SHISAL2B: variants seen among roughly 807,000 people sequenced by gnomAD.
The protein encoded by SHISAL2B is shisa like 2B, also known as protein shisa-like-2B.
A neutral mutation model predicts 16.5 loss-of-function variants in SHISAL2B; 12 were observed. The observed-to-expected ratio is 0.73, with a 90% CI of 0.47 to 1.18. SHISAL2B has a LOEUF of 1.18. SHISAL2B is among the 50% of genes most tolerant of loss of function. SHISAL2B has a pLI of 0.00. For missense variants in SHISAL2B, 183 were observed against 193.6 expected (o/e 0.95, Z 0.33); for synonymous variants, 72 against 75.0 (o/e 0.96, Z 0.21).
At chr5:64,714,937 G>A (rs1486626020) in intron 2 of SHISAL2B, among the ~76,000 whole-genome samples, 1 of 152,074 alleles carries the variant, frequency 6.6e-6, no homozygotes, top group Non-Finnish European at 1.5e-5. Context: ...TGCGCCCACT[G>A]TCTGGCACTC....
intron 2 of SHISAL2B, among the ~76,000 whole-genome samples, chr5:64,700,759 G>C (rs1741798125): frequency 6.6e-6 from 1 of 152,128 alleles, no homozygotes; most frequent in African/African-American, 2.4e-5. Context: ...TTTAACACCA[G>C]GGACCAGTTC....
chr5:64,702,401 T>C (rs1741821906), intron 2 of SHISAL2B, among the ~76,000 whole-genome samples: 1 of 152,166 alleles, frequency 6.6e-6, no homozygotes, highest in Admixed American at 6.5e-5. Context: ...GGTTTCTCTA[T>C]GTTGGTCAGG....
At chr5:64,708,762 C>G (rs1741908860) in intron 2 of SHISAL2B, among the ~76,000 whole-genome samples, 1 of 152,088 alleles carries the variant, frequency 6.6e-6, no homozygotes, top group Non-Finnish European at 1.5e-5. Context: ...TGGGCAAAGG[C>G]TATTTTCCAG....
intron 2 of SHISAL2B, among the ~76,000 whole-genome samples, chr5:64,704,780 A>G (rs1741853784): frequency 6.6e-6 from 1 of 152,120 alleles, no homozygotes. Context: ...AAAAAACAGA[A>G]AAGCTGAGGT....
At chr5:64,709,989 C>A (rs1741935885) in intron 2 of SHISAL2B, among the ~76,000 whole-genome samples, 1 of 150,146 alleles carries the variant, frequency 6.7e-6, no homozygotes. Flanking sequence ...TGTAGGTTGC[C>A]TGTTCACTCT....
intron 1 of SHISAL2B, chr5:64,694,288 TACA>T (rs1402277063): frequency 3.3e-6 from 1 of 301,726 alleles, no homozygotes; most frequent in African/African-American, 2.2e-5. Context: ...AATAAGTGTG[TACA>T]ACACTACCAT....
intron 2 of SHISAL2B, among the ~76,000 whole-genome samples, chr5:64,696,262 C>A (rs1741732977): frequency 6.6e-6 from 1 of 152,172 alleles, no homozygotes; most frequent in Non-Finnish European, 1.5e-5. Context: ...ATCTCTTAAT[C>A]CTGTTATCTT....
At chr5:64,715,110 T>C (rs918093711) in intron 2 of SHISAL2B, among the ~76,000 whole-genome samples, 1 of 152,182 alleles carries the variant, frequency 6.6e-6, no homozygotes, top group African/African-American at 2.4e-5. Context: ...CCTTTGAGTG[T>C]TGAACCATGA....
In SHISAL2B at chr5:64,714,583, C is replaced by A. The variant is rs56194056; in HGVS notation, c.350-3306C>A. Reference sequence around the variant, plus strand: ...TGGGCTCCACCCAGTTCGAGCTTCCCGGCTGCTTTGTTTACCTAAGCAAGC... The same window carrying A: ...TGGGCTCCACCCAGTTCGAGCTTCCAGGCTGCTTTGTTTACCTAAGCAAGC... On this transcript the variant is annotated intron_variant, in intron 2 of 2. Transcript: ENST00000389074. Among the ~76,000 whole-genome samples the A allele has an allele frequency of 2.7e-4, 41 of 152,124 alleles. 1 individual carries two copies. Among genetic ancestry groups the A allele is most frequent in the East Asian group, 2.5e-3 (13 of 5,180 alleles).
At chr5:64,705,976 C>G (rs188657499) in intron 2 of SHISAL2B, among the ~76,000 whole-genome samples, 106 of 152,258 alleles carry the variant, frequency 7.0e-4, no homozygotes, top group East Asian at 4.4e-3. Flanking sequence ...CTGGGCAACA[C>G]AGTGAAACTC....
At chr5:64,698,608 A>G (rs1259837509) in intron 2 of SHISAL2B, among the ~76,000 whole-genome samples, 2 of 152,104 alleles carry the variant, frequency 1.3e-5, no homozygotes, top group African/African-American at 4.8e-5. Flanking sequence ...CCCTATCTGT[A>G]TTTTTAACTC....
At chr5:64,716,370 A>C (rs2112076233) in intron 2 of SHISAL2B, among the ~76,000 whole-genome samples, 1 of 152,364 alleles carries the variant, frequency 6.6e-6, no homozygotes, top group African/African-American at 2.4e-5. Flanking sequence ...TTGAACAACT[A>C]TGTGCAAGGC....
At chr5:64,715,214 C>G (rs1000794357) in intron 2 of SHISAL2B, among the ~76,000 whole-genome samples, 13 of 151,376 alleles carry the variant, frequency 8.6e-5, no homozygotes, top group African/African-American at 2.9e-4. Context: ...TTACAAAAAG[C>G]AGTTTAGTTA....
chr5:64,703,754 A>C (rs569863463), intron 2 of SHISAL2B, among the ~76,000 whole-genome samples: 1 of 152,352 alleles, frequency 6.6e-6, no homozygotes, highest in East Asian at 1.9e-4. Flanking sequence ...TCTGACTACA[A>C]CTGCCTCCAC....
chr5:64,704,509 G>C (rs1035559956), intron 2 of SHISAL2B, among the ~76,000 whole-genome samples: 2 of 152,166 alleles, frequency 1.3e-5, no homozygotes, highest in Non-Finnish European at 2.9e-5. Context: ...CAAAAACAAA[G>C]AATGGAAATA....
intron 2 of SHISAL2B, among the ~76,000 whole-genome samples, chr5:64,699,382 G>A (rs1741778384): frequency 6.6e-6 from 1 of 152,186 alleles, no homozygotes; most frequent in South Asian, 2.1e-4. Context: ...TTGAAAGTGA[G>A]CCTTTGATGT....
intron 1 of SHISAL2B, among the ~76,000 whole-genome samples, chr5:64,692,583 A>G (rs1221423960): frequency 6.6e-6 from 1 of 152,212 alleles, no homozygotes; most frequent in African/African-American, 2.4e-5. Flanking sequence ...AAAATAGTCC[A>G]ACTGGGAAGA....
rs757503303 is a variant in SHISAL2B at position 64,717,940 on chromosome 5, C to T, written c.401C>T (p.Ala134Val). ...KALNSNAASN[A>V]TNETYYEADD... The stretch of plus-strand genomic sequence containing the variant: ...CTCAATTCAAATGCAGCATCAAATG[C>T]AACAAATGAAACATACTATGAAGCT... The change falls in exon 3 of 3, where the codon GCA (alanine) becomes GTA (valine). Residue 134 changes from alanine (A) to valine (V), a missense_variant. Ala to Val is a moderately conservative substitution (Grantham distance 64). Transcript: ENST00000389074. 5.1e-5 allele frequency: 77 copies of T among 1,522,106 alleles called. No individual in the cohort carries two copies. The highest frequency in any genetic ancestry group is 6.6e-5 in the Non-Finnish European group (75 of 1,143,432). The allele number at this position is 1,522,106 out of a possible 1,614,324, so 94.3% of individuals were successfully genotyped here. A position where few individuals can be genotyped will look rare whatever the true frequency, so the allele number is the denominator to read the frequency against.
intron 2 of SHISAL2B, among the ~76,000 whole-genome samples, chr5:64,709,016 G>A (rs1469412755): frequency 1.3e-5 from 2 of 151,476 alleles, no homozygotes; most frequent in African/African-American, 2.4e-5. Context: ...TATGGAAGCT[G>A]CAGTGAGACA....
Sources: allele counts gnomAD v4.1 joint callset (sites outside exome capture counted in the v4.1 genomes callset), GRCh38; gene constraint gnomAD v4.1.1; transcripts MANE v1.5; gene names NCBI Gene and HGNC (gene_info 2026-07-23, HGNC 2026-07-21).